Variants in EPRS1 observed in about 807,000 individuals in gnomAD.
EPRS1 encodes the protein bifunctional glutamate/proline--tRNA ligase.
EPRS1 carries 107 observed loss-of-function variants against 188.3 expected under a neutral mutation model. The ratio of observed to expected loss-of-function variants is 0.57; its 90% confidence interval spans 0.49 to 0.67. The LOEUF (loss-of-function observed/expected upper bound fraction) is 0.67, where lower values mean the gene tolerates loss of function less well. Among genes scored for constraint, EPRS1 ranks in the 30% least tolerant of loss-of-function variants. The pLI, the probability that EPRS1 is intolerant of heterozygous loss-of-function variation, is 0.00. For missense variants in EPRS1, 1,577 were observed against 1,802.2 expected, an observed-to-expected ratio of 0.88 and a Z score of 2.26; for synonymous variants, 596 against 593.1, an observed-to-expected ratio of 1.00 and a Z score of -0.07.
chr1:220,013,608 C>A (rs3767663), intron 12 of EPRS1, among the ~76,000 whole-genome samples: 2 of 152,116 alleles, frequency 1.3e-5, no homozygotes, highest in African/African-American at 4.8e-5. Context: ...CACAACTCCA[C>A]GGCGCTAAAT....
chr1:220,013,866 G>A (rs988591949), intron 12 of EPRS1, among the ~76,000 whole-genome samples: 1 of 152,168 alleles, frequency 6.6e-6, no homozygotes, highest in African/African-American at 2.4e-5. Context: ...TAAAAACAAT[G>A]CTATGTTTTA....
At chr1:219,996,899 T>C (rs1372666828) in intron 18 of EPRS1, 84 bp downstream of exon 18, 22 of 1,339,094 alleles carry the variant, frequency 1.6e-5, no homozygotes. Flanking sequence ...GAGCAGTCGA[T>C]GTTTTATAAG....
At position 220,026,025 on chromosome 1, in the gene EPRS1, C is replaced by T. The variant is rs962088083; in HGVS notation, c.624-767G>A. On this transcript the variant is annotated intron_variant, in intron 6 of 31. Transcript: ENST00000366923. ...GGCCAGGATGGTCTCGATCTCTTGA[C>T]CTCGTGATCCGCCTGCCTTGGCCTC... 2.0e-5 allele frequency among the ~76,000 whole-genome samples: 3 copies of T among 152,236 alleles called. No homozygotes were observed. The East Asian group carries it at 5.8e-4, about 29-fold the overall frequency.
chr1:220,041,744 G>A (rs1662298670), intron 1 of EPRS1, among the ~76,000 whole-genome samples: 1 of 152,148 alleles, frequency 6.6e-6, no homozygotes, highest in South Asian at 2.1e-4. Flanking sequence ...GGAGGCTGAG[G>A]CAGGAGAATC....
chr1:220,024,588 A>G, intron 7 of EPRS1, 132 bp from the exon 8 acceptor site: 2 of 597,324 alleles, frequency 3.3e-6, no homozygotes, highest in Non-Finnish European at 5.7e-6. Context: ...TGGTTGTGGA[A>G]GTTACATGAT....
At chr1:220,005,471 T>C (rs1661440983) in intron 15 of EPRS1, 111 bp from the exon 16 acceptor site, 2 of 552,736 alleles carry the variant, frequency 3.6e-6, no homozygotes, top group Non-Finnish European at 6.3e-6. Context: ...TAAACAGATA[T>C]GTTAAAAAGT....
chr1:220,019,551 A>G (rs780757724), intron 10 of EPRS1, among the ~76,000 whole-genome samples: 17 of 152,238 alleles, frequency 1.1e-4, no homozygotes, highest in Non-Finnish European at 2.1e-4. Context: ...CTCAGTAAGT[A>G]TGCAGTAATA....
intron 2 of EPRS1, among the ~76,000 whole-genome samples, chr1:220,039,748 G>A (rs1662257750): frequency 6.6e-6 from 1 of 152,132 alleles, no homozygotes; most frequent in Non-Finnish European, 1.5e-5. Flanking sequence ...TCGATCTCCT[G>A]ACCTCATGAT....
intron 12 of EPRS1, among the ~76,000 whole-genome samples, chr1:220,016,329 G>A (rs1661710023): frequency 6.7e-6 from 1 of 150,134 alleles, no homozygotes; most frequent in Admixed American, 6.6e-5. Flanking sequence ...AAGTAACAGG[G>A]TGAGATTCCG....
chr1:220,020,426 G>A (rs564356372), intron 9 of EPRS1, among the ~76,000 whole-genome samples: 1 of 152,020 alleles, frequency 6.6e-6, no homozygotes, highest in African/African-American at 2.4e-5. Flanking sequence ...CAACTTAGCA[G>A]TCAAACAAAA....
intron 6 of EPRS1, among the ~76,000 whole-genome samples, chr1:220,025,749 C>T (rs1029064438): frequency 7.2e-5 from 11 of 152,136 alleles, no homozygotes; most frequent in African/African-American, 1.7e-4. Context: ...TAGTAAAAGC[C>T]GCTTTACTTC....
chr1:219,980,879 T>A (rs1441652785), intron 24 of EPRS1, 22 bp from the exon 25 acceptor site: 2 of 1,547,114 alleles, frequency 1.3e-6, no homozygotes, highest in Non-Finnish European at 1.8e-6. Context: ...AAGAAAACAA[T>A]TTAGTCATTA....
intron 6 of EPRS1, among the ~76,000 whole-genome samples, chr1:220,029,474 A>T (rs1032557900): frequency 1.3e-5 from 2 of 152,224 alleles, no homozygotes; most frequent in African/African-American, 4.8e-5. Flanking sequence ...TATTAAATAC[A>T]TCGCTAAAAG....
intron 18 of EPRS1, among the ~76,000 whole-genome samples, chr1:219,992,309 A>G (rs1661138931): frequency 6.6e-6 from 1 of 152,226 alleles, no homozygotes; most frequent in Non-Finnish European, 1.5e-5. Context: ...TGCTGCAACT[A>G]CAGAAGCAAA....
chr1:220,019,170 C>G, intron 10 of EPRS1, 91 bp from the exon 11 acceptor site: 1 of 835,682 alleles, frequency 1.2e-6, no homozygotes, highest in African/African-American at 1.7e-5. Flanking sequence ...AAATCATATT[C>G]AGCTTGTTAA....
chr1:219,974,521 T>C (rs1004656174), intron 28 of EPRS1, among the ~76,000 whole-genome samples: 1 of 152,200 alleles, frequency 6.6e-6, no homozygotes, highest in Non-Finnish European at 1.5e-5. Context: ...TGAATAATCC[T>C]CTAAAATTAA....
At chr1:220,005,929 C>A (rs577784992) in intron 15 of EPRS1, among the ~76,000 whole-genome samples, 177 bp downstream of exon 15, 21 of 147,246 alleles carry the variant, frequency 1.4e-4, no homozygotes, top group Non-Finnish European at 2.5e-4. Flanking sequence ...CTTGGCTTCC[C>A]AAAGAGCTAG....
At chr1:220,011,393 T>C (rs1175099824) in intron 12 of EPRS1, among the ~76,000 whole-genome samples, 1 of 152,232 alleles carries the variant, frequency 6.6e-6, no homozygotes, top group Non-Finnish European at 1.5e-5. Flanking sequence ...GGTTATATCT[T>C]AATCCTAAAG....
intron 28 of EPRS1, among the ~76,000 whole-genome samples, chr1:219,975,769 T>C (rs1440799577): frequency 2.6e-5 from 4 of 152,116 alleles, no homozygotes; most frequent in Non-Finnish European, 5.9e-5. Flanking sequence ...ATTTAAAGTA[T>C]AGATATAAAC....
Sources: allele counts gnomAD v4.1 joint callset (sites outside exome capture counted in the v4.1 genomes callset), GRCh38; gene constraint gnomAD v4.1.1; transcripts MANE v1.5; gene names NCBI Gene and HGNC (gene_info 2026-07-23, HGNC 2026-07-21).